Variants in MYO3A observed in about 807,000 individuals in gnomAD.
MYO3A encodes myosin-IIIa.
Under a neutral mutation model 192.7 loss-of-function variants are expected in MYO3A, and 180 were observed. The observed-to-expected ratio is 0.93, with a 90% CI of 0.83 to 1.06. MYO3A has a LOEUF of 1.06. Among genes scored for constraint, MYO3A ranks in the 50% least tolerant of loss-of-function variants. The pLI, the probability that MYO3A is intolerant of heterozygous loss-of-function variation, is 0.00. For missense variants in MYO3A, 1,896 were observed against 1,905.0 expected, an observed-to-expected ratio of 1.00 and a Z score of 0.09; for synonymous variants, 628 against 645.3, an observed-to-expected ratio of 0.97 and a Z score of 0.41.
intron 11 of MYO3A, among the ~76,000 whole-genome samples, chr10:26,068,219 G>A (rs1051002206): frequency 1.3e-5 from 2 of 151,726 alleles, no homozygotes; most frequent in African/African-American, 4.8e-5. Context: ...CTCCTCTCTT[G>A]TGTCATGTAC....
intron 4 of MYO3A, among the ~76,000 whole-genome samples, chr10:25,981,628 G>A (rs1470806854): frequency 1.3e-5 from 2 of 152,072 alleles, no homozygotes; most frequent in Admixed American, 6.5e-5. Flanking sequence ...CAAAAAATTG[G>A]ATGTTTCACC....
chr10:25,984,373 CTAACACA>C (rs1839514973), intron 4 of MYO3A, among the ~76,000 whole-genome samples: 1 of 152,114 alleles, frequency 6.6e-6, no homozygotes, highest in African/African-American at 2.4e-5. Flanking sequence ...GAAGACTCAC[CTAACACA>C]TAAGAACTCG....
At position 26,089,010 on chromosome 10, in the gene MYO3A, A is replaced by T. The variant is rs372117630; in HGVS notation, c.1562+605A>T. Among the ~76,000 whole-genome samples, 3 of 152,210 alleles carry T rather than the reference A, an allele frequency of 2.0e-5. No individual in the cohort carries two copies. The East Asian group carries it at 5.8e-4, about 29-fold the overall frequency. ...TCTTTGTTATTCTAAAGAGGAAACT[A>T]TCGTTACACATTGGATTTGTACCCT... On this transcript the variant is annotated intron_variant, in intron 15 of 34. Coordinates refer to ENST00000642920, the MANE Select transcript of MYO3A (RefSeq NM_017433.5).
At chr10:26,112,596 C>T (rs1838256155) in intron 17 of MYO3A, among the ~76,000 whole-genome samples, 2 of 152,202 alleles carry the variant, frequency 1.3e-5, no homozygotes, top group African/African-American at 2.4e-5. Context: ...CTCTCCAATA[C>T]AGTCTCTTTT....
At chr10:26,107,512 A>T (rs1469251986) in intron 17 of MYO3A, among the ~76,000 whole-genome samples, 1 of 151,828 alleles carries the variant, frequency 6.6e-6, no homozygotes, top group Admixed American at 6.6e-5. Flanking sequence ...ATTAGGGTAA[A>T]ACTCAACTGT....
chr10:26,074,842 A>G (rs1206180984), intron 14 of MYO3A, among the ~76,000 whole-genome samples: 1 of 151,832 alleles, frequency 6.6e-6, no homozygotes, highest in Admixed American at 6.6e-5. Flanking sequence ...CTTTTCCTCT[A>G]TGTTCTCTTC....
intron 21 of MYO3A, among the ~76,000 whole-genome samples, chr10:26,144,166 A>G (rs1013196230): frequency 6.6e-6 from 1 of 152,112 alleles, no homozygotes; most frequent in Non-Finnish European, 1.5e-5. Flanking sequence ...AAAGATCACC[A>G]TTCAAGCTGG....
chr10:25,980,352 A>G (rs941116608), intron 4 of MYO3A, among the ~76,000 whole-genome samples: 3 of 152,220 alleles, frequency 2.0e-5, no homozygotes, highest in Non-Finnish European at 2.9e-5. Flanking sequence ...TTGTATTTTA[A>G]GCCTCTTGAG....
chr10:26,205,940 C>A (rs761650730), intron 34 of MYO3A, among the ~76,000 whole-genome samples: 1 of 151,014 alleles, frequency 6.6e-6, no homozygotes. Flanking sequence ...TTTTTTAAGG[C>A]AGAAGGGTAT....
intron 6 of MYO3A, among the ~76,000 whole-genome samples, chr10:26,005,270 CCCAA>C (rs2130957063): frequency 1.3e-5 from 2 of 152,120 alleles, no homozygotes; most frequent in African/African-American, 4.8e-5. Flanking sequence ...ATACAACAAA[CCCAA>C]ATTCAGGAAC....
Position 26,174,205 on chromosome 10 carries a change from C to T in MYO3A, c.3941C>T (p.Ala1314Val). The T allele has an allele frequency of 1.9e-6, 3 of 1,614,200 alleles. No homozygotes were observed. Residue 1314 changes from alanine to valine, a missense_variant, in exon 30 of 35, where the codon GCA becomes GTA. By Grantham distance (64) the Ala-to-Val change is moderately conservative. Coordinates refer to ENST00000642920, the MANE Select transcript of MYO3A (RefSeq NM_017433.5). ...EKKTSVVTQRAPICSQEEGRG... is the reference protein window; with the variant it reads ...EKKTSVVTQRVPICSQEEGRG... The stretch of plus-strand genomic sequence containing the variant: ...AAGACATCTGTAGTTACCCAGCGTG[C>T]ACCGATATGCAGCCAGGAGGAAGGC...
intron 10 of MYO3A, among the ~76,000 whole-genome samples, chr10:26,059,709 G>A (rs1168467184): frequency 2.6e-5 from 4 of 152,148 alleles, no homozygotes; most frequent in Admixed American, 6.5e-5. Context: ...AAATATTTGT[G>A]TTCACATCTC....
chr10:26,143,345 C>T (rs899711541), intron 20 of MYO3A, 103 bp from the exon 21 acceptor site: 3 of 1,260,464 alleles, frequency 2.4e-6, no homozygotes, highest in Admixed American at 2.0e-5. Flanking sequence ...AAAGCAAGGT[C>T]AAAGGGAGCA....
At chr10:26,011,014 ATTGTTT>A (rs10636762) in intron 6 of MYO3A, among the ~76,000 whole-genome samples, 1 of 151,874 alleles carries the variant, frequency 6.6e-6, no homozygotes, top group Non-Finnish European at 1.5e-5. Flanking sequence ...TACTTTGTGG[ATTGTTT>A]TTGTTTTTGA....
chr10:26,203,272 GGTAAA>G (rs1286993347), intron 34 of MYO3A, among the ~76,000 whole-genome samples, 165 bp downstream of exon 34: 1 of 152,042 alleles, frequency 6.6e-6, no homozygotes, highest in African/African-American at 2.4e-5. Context: ...ACAGTGTTAT[GGTAAA>G]GTAATCAGAT....
chr10:25,955,612 C>G (rs1012887873), intron 4 of MYO3A, among the ~76,000 whole-genome samples: 1 of 152,164 alleles, frequency 6.6e-6, no homozygotes, highest in African/African-American at 2.4e-5. Context: ...GGCAGGAGTA[C>G]TAGCAGCTCC....
At chr10:26,187,665 C>T (rs184884351) in intron 31 of MYO3A, among the ~76,000 whole-genome samples, 4 of 126,486 alleles carry the variant, frequency 3.2e-5, no homozygotes, top group Non-Finnish European at 4.8e-5. Context: ...CAACAGGCAC[C>T]GATGTGTGAT....
At chr10:25,994,238 T>C (rs1246634945) in intron 4 of MYO3A, among the ~76,000 whole-genome samples, 2 of 149,568 alleles carry the variant, frequency 1.3e-5, no homozygotes, top group Admixed American at 1.3e-4. Flanking sequence ...TAGCTCTTCT[T>C]GTTGAATTGA....
At chr10:26,004,369 G>C (rs1341835092) in intron 6 of MYO3A, among the ~76,000 whole-genome samples, 1 of 151,986 alleles carries the variant, frequency 6.6e-6, no homozygotes, top group Non-Finnish European at 1.5e-5. Flanking sequence ...AAGAATTATA[G>C]TGATGTTGGG....
Sources: gnomAD v4.1 joint callset for allele counts (sites outside exome capture counted in the v4.1 genomes callset) on GRCh38, gnomAD v4.1.1 for gene constraint, MANE v1.5 for transcripts, NCBI Gene and HGNC (gene_info 2026-07-23, HGNC 2026-07-21) for gene names.